The following SPOCK3 variants were observed in gnomAD, a reference collection of about 807,000 sequenced individuals.
SPOCK3 encodes the protein SPARC (osteonectin), cwcv and kazal like domains proteoglycan 3, also known as testican-3.
SPOCK3 carries 30 observed loss-of-function variants against 56.6 expected under a neutral mutation model. The observed-to-expected ratio is 0.53, with a 90% confidence interval of 0.40 to 0.72. SPOCK3 has a LOEUF of 0.72. Ranked by LOEUF, SPOCK3 falls within the 30% of genes least tolerant of loss-of-function variation. The pLI is 0.00. For missense variants in SPOCK3, 527 were observed against 530.0 expected (o/e 0.99, Z 0.06); for synonymous variants, 196 against 183.3 (o/e 1.07, Z -0.56).
intron 4 of SPOCK3, among the ~76,000 whole-genome samples, chr4:166,926,155 T>C (rs1739072353): frequency 6.7e-6 from 1 of 149,324 alleles, no homozygotes; most frequent in South Asian, 2.2e-4. Flanking sequence ...ATAATCCCTT[T>C]GGTGAAGCTA....
chr4:167,119,771 A>ACAC (rs1761718034), intron 2 of SPOCK3: 2 of 1,495,860 alleles, frequency 1.3e-6, no homozygotes, highest in African/African-American at 1.4e-5. Flanking sequence ...TCACGTTAAC[A>ACAC]TATATTTAAC....
At chr4:166,948,505 T>C (rs1367907291) in intron 4 of SPOCK3, among the ~76,000 whole-genome samples, 1 of 152,156 alleles carries the variant, frequency 6.6e-6, no homozygotes, top group Non-Finnish European at 1.5e-5. Flanking sequence ...TCCCTTTTCT[T>C]CACTTCCTCA....
At chr4:166,748,995 T>C (rs1446965986) in intron 8 of SPOCK3, among the ~76,000 whole-genome samples, 1 of 137,340 alleles carries the variant, frequency 7.3e-6, no homozygotes, top group Non-Finnish European at 1.5e-5. Flanking sequence ...CAACAGGTGC[T>C]GGAGAGGATG....
chr4:167,026,640 TAAAG>T (rs1346264573), intron 3 of SPOCK3, among the ~76,000 whole-genome samples: 2 of 151,902 alleles, frequency 1.3e-5, no homozygotes, highest in African/African-American at 4.8e-5. Context: ...GTCAAAATAA[TAAAG>T]AACTAAAACA....
chr4:167,187,469 T>G (rs947306012), intron 2 of SPOCK3, among the ~76,000 whole-genome samples: 6 of 152,038 alleles, frequency 3.9e-5, no homozygotes, highest in African/African-American at 1.4e-4. Flanking sequence ...ACATTACAAT[T>G]TTTTCTCCCT....
At chr4:166,964,972 G>A (rs1314358018) in intron 4 of SPOCK3, among the ~76,000 whole-genome samples, 1 of 151,790 alleles carries the variant, frequency 6.6e-6, no homozygotes, top group African/African-American at 2.4e-5. Context: ...CTCTTGTGTT[G>A]GGACTTTTCA....
intron 4 of SPOCK3, among the ~76,000 whole-genome samples, chr4:166,939,899 A>G (rs1287204345): frequency 6.6e-6 from 1 of 152,252 alleles, no homozygotes; most frequent in African/African-American, 2.4e-5. Flanking sequence ...ATATAAAATT[A>G]AGAGAAACTA....
At chr4:166,986,966 CCT>C (rs1232533613) in intron 4 of SPOCK3, among the ~76,000 whole-genome samples, 1 of 152,108 alleles carries the variant, frequency 6.6e-6, no homozygotes, top group African/African-American at 2.4e-5. Flanking sequence ...CTGCCCTCAC[CCT>C]CTGACTAGCT....
intron 6 of SPOCK3, among the ~76,000 whole-genome samples, chr4:166,866,268 AC>A (rs1196567773): frequency 3.3e-5 from 5 of 152,346 alleles, no homozygotes; most frequent in African/African-American, 1.2e-4. Flanking sequence ...CACACCTTAT[AC>A]AAAAATTATC....
intron 3 of SPOCK3, among the ~76,000 whole-genome samples, chr4:167,018,749 G>T (rs1387435589): frequency 6.6e-6 from 1 of 151,836 alleles, no homozygotes; most frequent in African/African-American, 2.4e-5. Context: ...TGTCCTTCAG[G>T]TGGTCTGTTT....
intron 2 of SPOCK3, among the ~76,000 whole-genome samples, chr4:167,105,602 C>T: frequency 6.6e-6 from 1 of 150,518 alleles, no homozygotes; most frequent in South Asian, 2.1e-4. Context: ...GGAGCAAGTC[C>T]TTATTTATCA....
chr4:166,797,219 G>A (rs1040808114), intron 6 of SPOCK3, among the ~76,000 whole-genome samples: 6 of 146,122 alleles, frequency 4.1e-5, no homozygotes, highest in Admixed American at 4.1e-4. Context: ...TAAGTGGCAT[G>A]GATTTCCACC....
chr4:166,992,110 A>G (rs1419020813), intron 4 of SPOCK3, among the ~76,000 whole-genome samples: 1 of 152,154 alleles, frequency 6.6e-6, no homozygotes, highest in Non-Finnish European at 1.5e-5. Flanking sequence ...GTTATGTTAA[A>G]ACAAGGCACA....
At chr4:166,771,419 T>C (rs980465159) in intron 7 of SPOCK3, among the ~76,000 whole-genome samples, 1 of 151,968 alleles carries the variant, frequency 6.6e-6, no homozygotes, top group Non-Finnish European at 1.5e-5. Flanking sequence ...AATCCCCACA[T>C]TGTCTAGATG....
At chr4:166,827,701 G>A (rs1019889212) in intron 6 of SPOCK3, among the ~76,000 whole-genome samples, 6 of 152,034 alleles carry the variant, frequency 3.9e-5, no homozygotes, top group African/African-American at 1.2e-4. Context: ...GCTGTTACTT[G>A]CTCTGATTAG....
chr4:166,934,662 T>C (rs190668278), intron 4 of SPOCK3, among the ~76,000 whole-genome samples: 1 of 152,278 alleles, frequency 6.6e-6, no homozygotes, highest in Admixed American at 6.5e-5. Flanking sequence ...TAATAATTTA[T>C]GATTATTAAA....
chr4:166,788,903 TA>T (rs1484758539), intron 7 of SPOCK3, among the ~76,000 whole-genome samples: 1 of 152,100 alleles, frequency 6.6e-6, no homozygotes, highest in African/African-American at 2.4e-5. Flanking sequence ...AAAGATTTCT[TA>T]TAAGATTTTT....
At chr4:166,982,672 C>T (rs1002278371) in intron 4 of SPOCK3, among the ~76,000 whole-genome samples, 1 of 152,072 alleles carries the variant, frequency 6.6e-6, no homozygotes, top group African/African-American at 2.4e-5. Flanking sequence ...AGAGAAAATG[C>T]AGTTTGGATT....
At chr4:166,745,490 A>G (rs933179194) in intron 8 of SPOCK3, among the ~76,000 whole-genome samples, 3 of 152,216 alleles carry the variant, frequency 2.0e-5, no homozygotes, top group Admixed American at 6.5e-5. Flanking sequence ...TGAAGAAAGC[A>G]CTAAACATGG....
Sources: gnomAD v4.1 joint callset for allele counts (sites outside exome capture counted in the v4.1 genomes callset) on GRCh38, gnomAD v4.1.1 for gene constraint, MANE v1.5 for transcripts, NCBI Gene and HGNC (gene_info 2026-07-23, HGNC 2026-07-21) for gene names.